NUGGC: variants seen among roughly 807,000 people sequenced by gnomAD.
NUGGC encodes nuclear GTPase, germinal center associated, also known as nuclear GTPase SLIP-GC.
In NUGGC, 58 loss-of-function variants were observed where a neutral mutation model predicts 92.6. The ratio of observed to expected loss-of-function variants is 0.63; its 90% CI spans 0.51 to 0.78. NUGGC has a LOEUF of 0.78. NUGGC is among the 30% of genes least tolerant of loss of function. NUGGC has a pLI of 0.00. For synonymous variants in NUGGC, 376 were observed against 366.4 expected (o/e 1.03, Z -0.30); for missense variants, 925 against 964.6 (o/e 0.96, Z 0.54).
In NUGGC at chr8:28,035,299, C is replaced by T. The variant is rs571733863; in HGVS notation, c.1612-1602G>A. Among the ~76,000 whole-genome samples, 29 of 152,280 alleles carry T rather than the reference C, an allele frequency of 1.9e-4. No homozygotes were observed. The South Asian group carries it at 2.5e-3, about 13-fold the overall frequency. ...ATGAAACAAATTACCCCGAACATAGCGGTGCAGTGGCTTAAAAACAAACAG... is the reference window on the plus strand; with the variant it reads ...ATGAAACAAATTACCCCGAACATAGTGGTGCAGTGGCTTAAAAACAAACAG... On this transcript the variant is annotated intron_variant, in intron 13 of 18. Coordinates refer to ENST00000413272, the MANE Select transcript of NUGGC (RefSeq NM_001010906.2).
rs1339318640 is a variant in NUGGC at position 28,041,033 on chromosome 8, C to G, written c.1611+18G>C. ...GGCCTCCTGGAATATCTGAGTTTTC[C>G]CTGGAAGGGTCACTCACCACCAAGC... On this transcript the variant is annotated intron_variant, in intron 13 of 18. Coordinates refer to ENST00000413272, the MANE Select transcript of NUGGC (RefSeq NM_001010906.2). The G allele has an allele frequency of 6.3e-7, 1 of 1,585,284 alleles. No homozygotes were observed. The highest frequency in any genetic ancestry group is 1.1e-5 in the South Asian group (1 of 87,066).
intron 6 of NUGGC, among the ~76,000 whole-genome samples, chr8:28,065,606 G>A (rs1408773881): frequency 6.6e-6 from 1 of 152,148 alleles, no homozygotes; most frequent in Non-Finnish European, 1.5e-5. Context: ...AACATGTCTC[G>A]GGACAATGAC....
chr8:28,081,007 T>TAAAAAAAAAAAAAAAAA (rs146531275), intron 1 of NUGGC, among the ~76,000 whole-genome samples: 74 of 152,042 alleles, frequency 4.9e-4, no homozygotes, highest in African/African-American at 1.8e-3. Flanking sequence ...GAATTGGTTT[T>TAAAAAAAAAAAAAAAAA]AAAAAAAATA....
At chr8:28,069,137 C>T (rs566021092) in intron 4 of NUGGC, among the ~76,000 whole-genome samples, 3 of 152,198 alleles carry the variant, frequency 2.0e-5, no homozygotes, top group Non-Finnish European at 4.4e-5. Flanking sequence ...GCCTCAGCAC[C>T]ACTCGAGTCC....
At chr8:28,057,930 G>A (rs571590886) in intron 9 of NUGGC, among the ~76,000 whole-genome samples, 4 of 152,166 alleles carry the variant, frequency 2.6e-5, no homozygotes, top group South Asian at 2.1e-4. Flanking sequence ...GGTGGCTCAC[G>A]CCTGTAATCC....
chr8:28,063,553 T>A (rs965771176), intron 7 of NUGGC, among the ~76,000 whole-genome samples: 3 of 152,102 alleles, frequency 2.0e-5, no homozygotes, highest in Non-Finnish European at 4.4e-5. Flanking sequence ...GTGGATAATA[T>A]AGAGCGTGCC....
chr8:28,041,247 A>G (rs368556604), intron 12 of NUGGC, 32 bp from the exon 13 acceptor site: 23 of 1,583,162 alleles, frequency 1.5e-5, no homozygotes, highest in Non-Finnish European at 1.9e-5. Flanking sequence ...GAATCAGGCC[A>G]CCCCCTCCCT....
chr8:28,063,698 A>G (rs890181351), intron 7 of NUGGC, among the ~76,000 whole-genome samples: 2 of 152,170 alleles, frequency 1.3e-5, no homozygotes, highest in African/African-American at 4.8e-5. Context: ...GGCAGAGGCT[A>G]GAGCTTGCTC....
At chr8:28,056,529 T>C (rs1810145566) in intron 9 of NUGGC, among the ~76,000 whole-genome samples, 1 of 150,994 alleles carries the variant, frequency 6.6e-6, no homozygotes, top group African/African-American at 2.4e-5. Context: ...GGGTTTGAAC[T>C]GCGTAGGTCC....
chr8:28,066,799 A>G (rs1157232213), intron 6 of NUGGC, among the ~76,000 whole-genome samples: 1 of 152,204 alleles, frequency 6.6e-6, no homozygotes, highest in Non-Finnish European at 1.5e-5. Context: ...CTTTTATGCC[A>G]GCAGAATCCT....
chr8:28,073,030 G>A (rs1295222218), intron 2 of NUGGC, among the ~76,000 whole-genome samples: 3 of 150,152 alleles, frequency 2.0e-5, no homozygotes, highest in Admixed American at 6.6e-5. Context: ...TTGAGACGAG[G>A]TCTCCACTCT....
chr8:28,063,275 A>T (rs1585591007), intron 7 of NUGGC, among the ~76,000 whole-genome samples: 1 of 151,884 alleles, frequency 6.6e-6, no homozygotes, highest in Admixed American at 6.6e-5. Flanking sequence ...CTTCAGCCTG[A>T]CCTCCTCAGA....
intron 17 of NUGGC, 96 bp from the exon 18 acceptor site, chr8:28,027,148 G>A (rs1202203225): frequency 2.0e-6 from 2 of 983,732 alleles, no homozygotes; most frequent in African/African-American, 3.2e-5. Context: ...AGCCACGGAA[G>A]GTACAGACTG....
rs1809553850 is a variant in NUGGC at position 28,036,358 on chromosome 8, T to G, written c.1612-2661A>C. Among the ~76,000 whole-genome samples the G allele has an allele frequency of 2.6e-5, 4 of 152,224 alleles. No individual in the cohort carries two copies. The South Asian group carries it at 8.3e-4, about 32-fold the overall frequency. On this transcript the variant is annotated intron_variant, in intron 13 of 18. Transcript: ENST00000413272. ...TCTTTTGCTTCCTTAATGTGGCCTT[T>G]GTATGAAGAGATATCCTATCACTGT...
rs1389918575 is a variant in NUGGC at position 28,064,522 on chromosome 8, C to T, written c.921G>A (p.Lys307=). The T allele has an allele frequency of 1.9e-6, 3 of 1,613,636 alleles. No individual in the cohort carries two copies. In the African/African-American group the frequency reaches 4.0e-5, roughly 22 times the overall value. The part of the protein sequence containing the change: ...FNSKRDEMWK[K]TIDKCSVIWV... ...AACTAAACCTACGAAAGACAGTCACCTTTTTCCACATCTCGTCCCTCTTGC... is the reference window on the plus strand; with the variant it reads ...AACTAAACCTACGAAAGACAGTCACTTTTTTCCACATCTCGTCCCTCTTGC... The change falls in exon 7 of 19, where the codon AAG becomes AAA. Residue 307 remains lysine (K), a splice_region_variant and synonymous_variant. Coordinates refer to ENST00000413272, the MANE Select transcript of NUGGC (RefSeq NM_001010906.2).
intron 2 of NUGGC, among the ~76,000 whole-genome samples, chr8:28,074,158 A>G (rs1810662178): frequency 6.6e-6 from 1 of 151,578 alleles, no homozygotes; most frequent in Non-Finnish European, 1.5e-5. Flanking sequence ...CTGGCCAAAC[A>G]GTTCACTTCA....
chr8:28,029,478 G>A (rs2130073488), intron 16 of NUGGC, 76 bp from the exon 17 acceptor site: 1 of 1,535,314 alleles, frequency 6.5e-7, no homozygotes, highest in East Asian at 2.3e-5. Context: ...GCCGGGCATG[G>A]TGGCTCACAC....
chr8:28,051,878 C>T (rs551145131), intron 10 of NUGGC, among the ~76,000 whole-genome samples: 3 of 152,022 alleles, frequency 2.0e-5, no homozygotes, highest in East Asian at 1.9e-4. Context: ...GCCAAGATAG[C>T]GCCATTGCAC....
At chr8:28,029,034 T>C (rs1434335242) in intron 17 of NUGGC, among the ~76,000 whole-genome samples, 1 of 152,154 alleles carries the variant, frequency 6.6e-6, no homozygotes, top group East Asian at 1.9e-4. Context: ...TGAGCTAATG[T>C]AAATAGCTGA....
Sources: allele counts gnomAD v4.1 joint callset (sites outside exome capture counted in the v4.1 genomes callset), GRCh38; gene constraint gnomAD v4.1.1; transcripts MANE v1.5; gene names NCBI Gene and HGNC (gene_info 2026-07-23, HGNC 2026-07-21).